EBF2: variants seen among roughly 807,000 people sequenced by gnomAD.
The protein encoded by EBF2 is transcription factor COE2.
A neutral mutation model predicts 72.8 loss-of-function variants in EBF2; 21 were observed. That is an observed-to-expected ratio of 0.29 (90% CI 0.20 to 0.42). The LOEUF is 0.42. Ranked by LOEUF, EBF2 falls within the 10% of genes least tolerant of loss-of-function variation. EBF2 has a pLI of 1.00. For missense variants in EBF2, 637 were observed against 731.2 expected, an observed-to-expected ratio of 0.87 and a Z score of 1.49; for synonymous variants, 299 against 274.2, an observed-to-expected ratio of 1.09 and a Z score of -0.89.
chr8:25,858,591 G>C (rs1314881857), intron 13 of EBF2, 87 bp from the exon 14 acceptor site: 3 of 1,305,434 alleles, frequency 2.3e-6, no homozygotes, highest in South Asian at 2.9e-5. Context: ...ATTGGCCCCA[G>C]ACTGCAGAAT....
At chr8:25,888,927 C>G (rs1342439594) in intron 8 of EBF2, among the ~76,000 whole-genome samples, 1 of 152,170 alleles carries the variant, frequency 6.6e-6, no homozygotes, top group Non-Finnish European at 1.5e-5. Context: ...TTTCTTCTCC[C>G]CTTTCAGTGC....
In EBF2 at chr8:25,891,295, G is replaced by A. The variant is rs1263251099; in HGVS notation, c.634-1426C>T. 4.6e-5 allele frequency among the ~76,000 whole-genome samples: 7 copies of A among 152,104 alleles called. No individual in the cohort carries two copies. The East Asian group carries it at 9.7e-4, about 21-fold the overall frequency. Reference sequence around the variant, plus strand: ...AGTGGACCTGGGTGGAGCTCCCACCGAATCACTTGACCCAGAAGACGAACC... The same window carrying A: ...AGTGGACCTGGGTGGAGCTCCCACCAAATCACTTGACCCAGAAGACGAACC... On this transcript the variant is annotated intron_variant, in intron 7 of 15. Coordinates refer to ENST00000520164, the MANE Select transcript of EBF2 (RefSeq NM_022659.4).
intron 6 of EBF2, among the ~76,000 whole-genome samples, chr8:26,019,558 T>C (rs970243948): frequency 6.6e-6 from 1 of 152,226 alleles, no homozygotes; most frequent in African/African-American, 2.4e-5. Context: ...CCCCAGGACC[T>C]ATAGGATCAT....
intron 6 of EBF2, among the ~76,000 whole-genome samples, chr8:25,917,582 T>C (rs543991407): frequency 6.6e-6 from 1 of 152,348 alleles, no homozygotes; most frequent in Admixed American, 6.5e-5. Flanking sequence ...CTGAATCATA[T>C]TATGGACTTC....
In EBF2 at chr8:25,867,132, C is replaced by T. The variant is rs193197140; in HGVS notation, c.1010-4335G>A. ...AACAGTGCCTGGCACTTGGTGAGCA[C>T]GCAGGTATCAGTTATTGTTATTGCT... On this transcript the variant is annotated intron_variant, in intron 10 of 15. Transcript: ENST00000520164. 3.9e-3 allele frequency among the ~76,000 whole-genome samples: 589 copies of T among 152,218 alleles called. 2 individuals carry two copies. Among genetic ancestry groups the T allele is most frequent in the Non-Finnish European group, 6.3e-3 (431 of 68,034 alleles).
intron 6 of EBF2, among the ~76,000 whole-genome samples, chr8:26,018,930 A>AT (rs1491159188): frequency 9.1e-6 from 1 of 110,402 alleles, no homozygotes; most frequent in Non-Finnish European, 1.9e-5. Context: ...ATCCATGGCA[A>AT]TAAAAAAAAA....
intron 6 of EBF2, among the ~76,000 whole-genome samples, chr8:25,989,529 G>C (rs765839585): frequency 6.6e-6 from 1 of 152,154 alleles, no homozygotes; most frequent in South Asian, 2.1e-4. Flanking sequence ...TGTAAACAAG[G>C]GGTTTCAGAG....
rs1359577617 is a variant in EBF2, at chr8:25,925,233, C to G, written c.552-16678G>C. Among the ~76,000 whole-genome samples, 5 of 152,170 alleles carry G rather than the reference C, an allele frequency of 3.3e-5. No homozygotes were observed. In the East Asian group the frequency reaches 9.7e-4, roughly 29 times the overall value. ...GACATCTTTTCCCTTGTAACTCTTG[C>G]AATTTTGAAGAGTTATACTCATGAC... On this transcript the variant is annotated intron_variant, in intron 6 of 15. Transcript: ENST00000520164.
chr8:25,945,069 G>T (rs535733698), intron 6 of EBF2, among the ~76,000 whole-genome samples: 1 of 149,628 alleles, frequency 6.7e-6, no homozygotes, highest in African/African-American at 2.5e-5. Flanking sequence ...TTATTCAAGC[G>T]TGAAAAGATT....
chr8:26,015,410 T>C (rs899502412), intron 6 of EBF2, among the ~76,000 whole-genome samples: 2 of 152,194 alleles, frequency 1.3e-5, no homozygotes, highest in Non-Finnish European at 2.9e-5. Context: ...AGTTTTCACA[T>C]CCTCTCACCA....
At chr8:26,005,326 TA>T (rs372295298) in intron 6 of EBF2, among the ~76,000 whole-genome samples, 2 of 1,286 alleles carry the variant, frequency 1.6e-3, no homozygotes, top group African/African-American at 2.8e-3. Context: ...ATATTATATA[TA>T]ATTATATATT....
chr8:25,975,853 C>A (rs1431157281), intron 6 of EBF2, among the ~76,000 whole-genome samples: 3 of 152,132 alleles, frequency 2.0e-5, no homozygotes, highest in African/African-American at 7.2e-5. Flanking sequence ...TCTGAAAATT[C>A]TGTTTCAGCA....
At chr8:25,909,133 CTCAGT>C (rs1803086373) in intron 6 of EBF2, among the ~76,000 whole-genome samples, 1 of 152,154 alleles carries the variant, frequency 6.6e-6, no homozygotes, top group Non-Finnish European at 1.5e-5. Flanking sequence ...TGAATATCCT[CTCAGT>C]TCATGTATAG....
intron 7 of EBF2, among the ~76,000 whole-genome samples, chr8:25,891,718 C>T (rs1311731838): frequency 6.6e-6 from 1 of 151,980 alleles, no homozygotes; most frequent in Non-Finnish European, 1.5e-5. Context: ...GCTGGGATTA[C>T]AGATGCCTGC....
chr8:25,910,857 G>A (rs1434130987), intron 6 of EBF2, among the ~76,000 whole-genome samples: 1 of 152,128 alleles, frequency 6.6e-6, no homozygotes, highest in African/African-American at 2.4e-5. Context: ...GAGACAGAAA[G>A]TTCTCTTGCA....
At chr8:25,947,307 A>G (rs977561925) in intron 6 of EBF2, among the ~76,000 whole-genome samples, 4 of 152,150 alleles carry the variant, frequency 2.6e-5, no homozygotes, top group African/African-American at 9.7e-5. Context: ...CCCTGCTGAC[A>G]TGTAAGATGT....
At chr8:25,932,564 GT>G (rs1325614142) in intron 6 of EBF2, among the ~76,000 whole-genome samples, 1 of 152,180 alleles carries the variant, frequency 6.6e-6, no homozygotes, top group African/African-American at 2.4e-5. Flanking sequence ...AAACAGAGAT[GT>G]TAAAACTGTG....
intron 2 of EBF2, 99 bp downstream of exon 2, chr8:26,041,996 G>T: frequency 6.7e-7 from 1 of 1,503,038 alleles, no homozygotes; most frequent in Non-Finnish European, 9.0e-7. Context: ...CCCTGATGGT[G>T]AGAGTGGAAA....
At chr8:25,991,050 TAC>T (rs1804534904) in intron 6 of EBF2, among the ~76,000 whole-genome samples, 1 of 152,182 alleles carries the variant, frequency 6.6e-6, no homozygotes, top group Admixed American at 6.5e-5. Context: ...GGCTTTTGAA[TAC>T]AGTTTTCTCA....
Sources: allele counts gnomAD v4.1 joint callset (sites outside exome capture counted in the v4.1 genomes callset), GRCh38; gene constraint gnomAD v4.1.1; transcripts MANE v1.5; gene names NCBI Gene and HGNC (gene_info 2026-07-23, HGNC 2026-07-21).